CDH18: variants seen among roughly 807,000 people sequenced by gnomAD.
The protein encoded by CDH18 is cadherin 18, also known as cadherin-18.
Under a neutral mutation model 67.9 loss-of-function variants are expected in CDH18, and 31 were observed. That is an observed-to-expected ratio of 0.46 (90% CI 0.34 to 0.62). CDH18 has a LOEUF of 0.62. Among genes scored for constraint, CDH18 ranks in the 20% least tolerant of loss-of-function variants. The pLI is 0.01. For synonymous variants in CDH18, 362 were observed against 347.2 expected (o/e 1.04, Z -0.48); for missense variants, 890 against 975.5 (o/e 0.91, Z 1.17).
intron 5 of CDH18, among the ~76,000 whole-genome samples, chr5:19,665,498 G>T (rs1352879649): frequency 6.6e-6 from 1 of 151,932 alleles, no homozygotes; most frequent in Non-Finnish European, 1.5e-5. Flanking sequence ...CATTCGTGTT[G>T]GTTAGACAGT....
At chr5:20,104,490 G>C (rs1458047480) in intron 2 of CDH18, among the ~76,000 whole-genome samples, 1 of 152,150 alleles carries the variant, frequency 6.6e-6, no homozygotes, top group African/African-American at 2.4e-5. Flanking sequence ...TAGAATGCGA[G>C]TCTCCTCAAA....
intron 2 of CDH18, among the ~76,000 whole-genome samples, chr5:20,040,720 T>G (rs1341332768): frequency 6.6e-6 from 1 of 152,154 alleles, no homozygotes; most frequent in Non-Finnish European, 1.5e-5. Context: ...ATAGTCATCA[T>G]GAAATATGTT....
chr5:20,537,652 T>A (rs1192278224), intron 1 of CDH18, among the ~76,000 whole-genome samples: 1 of 152,020 alleles, frequency 6.6e-6, no homozygotes, highest in Non-Finnish European at 1.5e-5. Context: ...AAACTCAAAG[T>A]CTTACTATTC....
intron 6 of CDH18, among the ~76,000 whole-genome samples, chr5:19,602,131 T>C (rs1006046445): frequency 2.0e-4 from 31 of 152,150 alleles, no homozygotes; most frequent in African/African-American, 7.2e-4. Context: ...ATTAAAAGCA[T>C]CCAAATTGGG....
intron 1 of CDH18, among the ~76,000 whole-genome samples, chr5:20,463,968 A>G (rs551762937): frequency 6.6e-6 from 1 of 152,250 alleles, no homozygotes; most frequent in African/African-American, 2.4e-5. Context: ...ACAAGGCAAT[A>G]TTCTGATGGT....
At chr5:20,301,108 A>G (rs1747945737) in intron 1 of CDH18, among the ~76,000 whole-genome samples, 1 of 152,166 alleles carries the variant, frequency 6.6e-6, no homozygotes, top group South Asian at 2.1e-4. Flanking sequence ...TTCAATGAGC[A>G]TCTTTTGGGA....
intron 6 of CDH18, among the ~76,000 whole-genome samples, chr5:19,610,266 T>C (rs920842718): frequency 6.6e-6 from 1 of 152,116 alleles, no homozygotes; most frequent in African/African-American, 2.4e-5. Context: ...TATACACTTA[T>C]TCTGTTTTGT....
intron 3 of CDH18, among the ~76,000 whole-genome samples, chr5:19,822,665 A>G (rs1779996322): frequency 6.6e-6 from 1 of 152,196 alleles, no homozygotes; most frequent in South Asian, 2.1e-4. Context: ...CACAGAGAGC[A>G]TGTGCTTCAC....
Position 19,945,336 on chromosome 5 carries a change from T to C in CDH18, c.-257+35724A>G, listed in dbSNP as rs985024056. 1.3e-4 allele frequency among the ~76,000 whole-genome samples: 20 copies of C among 152,188 alleles called. 1 individual carries two copies. In the South Asian group the frequency reaches 2.9e-3, roughly 22 times the overall value. On this transcript the variant is annotated intron_variant, in intron 2 of 12. Transcript: ENST00000382275. ...GAGTGCAAGGGATCTGAAAACTACA[T>C]TGAAATTCTAGCACACAAAAGAAGG... is the stretch of plus-strand genomic sequence containing the variant.
chr5:20,240,846 C>G (rs2126544496), intron 2 of CDH18, among the ~76,000 whole-genome samples: 1 of 152,194 alleles, frequency 6.6e-6, no homozygotes, highest in South Asian at 2.1e-4. Context: ...AAAAAAGAAC[C>G]ACTGCACCTT....
rs1284741276 is a variant in CDH18, at chr5:20,178,530, C to T, written c.-518+76914G>A. On this transcript the variant is annotated intron_variant, in intron 2 of 14. Coordinates refer to the CDH18 transcript ENST00000507958. Reference sequence around the variant, plus strand: ...AAAAAAAAACATGAAATACCCAGAGCAGGTGTGAGAGTAAACTTCTTCAAT... The same window carrying T: ...AAAAAAAAACATGAAATACCCAGAGTAGGTGTGAGAGTAAACTTCTTCAAT... Among the ~76,000 whole-genome samples the T allele has an allele frequency of 4.7e-5, 7 of 150,036 alleles. No homozygotes were observed. The South Asian group carries it at 6.3e-4, about 13-fold the overall frequency.
chr5:19,485,061 C>T (rs553680450), intron 11 of CDH18, among the ~76,000 whole-genome samples: 1 of 151,994 alleles, frequency 6.6e-6, no homozygotes, highest in South Asian at 2.1e-4. Context: ...TTGTACATTG[C>T]TAAATTAACA....
chr5:20,495,583 G>A (rs774067745), intron 1 of CDH18, among the ~76,000 whole-genome samples: 1 of 152,072 alleles, frequency 6.6e-6, no homozygotes, highest in Non-Finnish European at 1.5e-5. Flanking sequence ...AGAACAATCA[G>A]ATCATGGCAT....
chr5:19,601,910 T>TA (rs1221429817), intron 6 of CDH18, among the ~76,000 whole-genome samples: 6 of 151,996 alleles, frequency 3.9e-5, no homozygotes, highest in South Asian at 2.1e-4. Flanking sequence ...TTTTATGATT[T>TA]AAAAAAACAT....
intron 1 of CDH18, among the ~76,000 whole-genome samples, chr5:20,485,652 C>G (rs1000113625): frequency 6.6e-6 from 1 of 151,922 alleles, no homozygotes. Flanking sequence ...TCTTCAGAAA[C>G]AATCTGAGGT....
At chr5:20,167,718 A>G (rs1287741800) in intron 2 of CDH18, among the ~76,000 whole-genome samples, 1 of 152,172 alleles carries the variant, frequency 6.6e-6, no homozygotes, top group Non-Finnish European at 1.5e-5. Flanking sequence ...ATCCAAGGGA[A>G]CAAGGTGGAG....
chr5:20,032,225 A>G (rs1347521), intron 2 of CDH18, among the ~76,000 whole-genome samples: 131,115 of 150,556 alleles, frequency 0.87, 58,875 homozygotes, highest in East Asian at 1. Context: ...ATATATGTAC[A>G]TATATGTGCA....
At chr5:20,487,546 CTTA>C (rs1443179225) in intron 1 of CDH18, among the ~76,000 whole-genome samples, 2 of 150,758 alleles carry the variant, frequency 1.3e-5, no homozygotes, top group African/African-American at 2.4e-5. Context: ...TCAGGTACAA[CTTA>C]TTATATGTTC....
intron 2 of CDH18, among the ~76,000 whole-genome samples, chr5:20,043,750 G>T (rs1740657094): frequency 6.6e-6 from 1 of 152,172 alleles, no homozygotes; most frequent in Admixed American, 6.6e-5. Flanking sequence ...ATGCATGTGG[G>T]ATAGTTCTAA....
Sources: allele counts gnomAD v4.1 joint callset (sites outside exome capture counted in the v4.1 genomes callset), GRCh38; gene constraint gnomAD v4.1.1; transcripts MANE v1.5; gene names NCBI Gene and HGNC (gene_info 2026-07-23, HGNC 2026-07-21).